CD2AP: variants seen among roughly 807,000 people sequenced by gnomAD.
CD2AP encodes CD2-associated protein.
Under a neutral mutation model 85.1 loss-of-function variants are expected in CD2AP, and 46 were observed. The ratio of observed to expected loss-of-function variants is 0.54; its 90% CI spans 0.43 to 0.69. The LOEUF is 0.69. Ranked by LOEUF, CD2AP falls within the 30% of genes least tolerant of loss-of-function variation. CD2AP has a pLI of 0.00. For synonymous variants in CD2AP, 255 were observed against 252.9 expected, an observed-to-expected ratio of 1.01 and a Z score of -0.08; for missense variants, 769 against 729.5, an observed-to-expected ratio of 1.05 and a Z score of -0.62.
intron 17 of CD2AP, among the ~76,000 whole-genome samples, chr6:47,622,701 G>T (rs894424461): frequency 2.0e-5 from 3 of 152,198 alleles, no homozygotes; most frequent in African/African-American, 7.2e-5. Flanking sequence ...GTGTTTCCCA[G>T]GTCCTGCAAG....
chr6:47,490,442 TAATTTCTAGTG>T (rs1388194287), intron 1 of CD2AP, among the ~76,000 whole-genome samples: 1 of 152,166 alleles, frequency 6.6e-6, no homozygotes, highest in African/African-American at 2.4e-5. Flanking sequence ...TGCTTAAAAA[TAATTTCTAGTG>T]TTTTCTTGAA....
chr6:47,572,138 C>G (rs1317007889), intron 5 of CD2AP, among the ~76,000 whole-genome samples: 1 of 152,164 alleles, frequency 6.6e-6, no homozygotes, highest in Non-Finnish European at 1.5e-5. Flanking sequence ...AAGGCAGAAT[C>G]CACCCTGACT....
chr6:47,479,049 C>A (rs1020116896), intron 1 of CD2AP, among the ~76,000 whole-genome samples: 5 of 152,200 alleles, frequency 3.3e-5, no homozygotes, highest in African/African-American at 9.6e-5. Context: ...GTAACAATTT[C>A]TTTTGATAAC....
intron 1 of CD2AP, among the ~76,000 whole-genome samples, chr6:47,496,414 A>C (rs1472945114): frequency 6.6e-6 from 1 of 152,142 alleles, no homozygotes; most frequent in East Asian, 1.9e-4. Flanking sequence ...TAATATTACA[A>C]ACTTAATTAT....
chr6:47,581,952 C>T (rs752426428), intron 10 of CD2AP, 51 bp from the exon 11 acceptor site: 2 of 1,162,604 alleles, frequency 1.7e-6, no homozygotes, highest in Admixed American at 3.4e-5. Context: ...GTAATTGTCT[C>T]TGTGCTTTAA....
intron 2 of CD2AP, among the ~76,000 whole-genome samples, chr6:47,514,532 T>C (rs947020318): frequency 6.6e-6 from 1 of 152,106 alleles, no homozygotes; most frequent in African/African-American, 2.4e-5. Flanking sequence ...TACTTTGTAA[T>C]TGAGATAAAA....
intron 13 of CD2AP, among the ~76,000 whole-genome samples, chr6:47,604,899 C>A (rs2171090): frequency 0.96 from 146,147 of 152,068 alleles, 70,473 homozygotes; most frequent in East Asian, 1. Context: ...AAAGAAATTG[C>A]TAGAAAAAAT....
intron 5 of CD2AP, chr6:47,562,795 C>A: frequency 1.7e-6 from 2 of 1,154,388 alleles, no homozygotes; most frequent in Non-Finnish European, 2.6e-6. Context: ...CTGTGATGAG[C>A]CTTTGTATGT....
rs1766746975 is a variant in CD2AP, at chr6:47,527,013, A to C, written c.166-6589A>C. 2.6e-5 allele frequency among the ~76,000 whole-genome samples: 4 copies of C among 152,304 alleles called. No individual in the cohort carries two copies. In the South Asian group the frequency reaches 8.3e-4, roughly 32 times the overall value. Reference sequence around the variant, plus strand: ...ATTTTCTTATGTGCATTACCAATAAAAACAGGGAAATATTTGTGTATCTTT... The same window carrying C: ...ATTTTCTTATGTGCATTACCAATAACAACAGGGAAATATTTGTGTATCTTT... On this transcript the variant is annotated intron_variant, in intron 2 of 17. Transcript: ENST00000359314.
At chr6:47,621,201 A>G (rs1186872807) in intron 17 of CD2AP, among the ~76,000 whole-genome samples, 1 of 152,170 alleles carries the variant, frequency 6.6e-6, no homozygotes, top group Non-Finnish European at 1.5e-5. Flanking sequence ...AGCTTTTATT[A>G]CATTGAGGTA....
intron 17 of CD2AP, among the ~76,000 whole-genome samples, chr6:47,620,682 G>A (rs1227116611): frequency 3.3e-5 from 5 of 152,266 alleles, no homozygotes; most frequent in Non-Finnish European, 4.4e-5. Context: ...ATCCACGAGC[G>A]TGGGATGTGT....
At chr6:47,511,494 G>A (rs1766312764) in intron 2 of CD2AP, among the ~76,000 whole-genome samples, 1 of 152,188 alleles carries the variant, frequency 6.6e-6, no homozygotes, top group Non-Finnish European at 1.5e-5. Context: ...TCCATATACA[G>A]TTAGTAGTTT....
At chr6:47,571,906 T>C (rs1768165834) in intron 5 of CD2AP, among the ~76,000 whole-genome samples, 1 of 152,096 alleles carries the variant, frequency 6.6e-6, no homozygotes, top group African/African-American at 2.4e-5. Context: ...CTTACCTGCT[T>C]GCCAGAAAAA....
rs768001955 is a variant in CD2AP at position 47,535,496 on chromosome 6, C to T, written c.319+1741C>T. Among the ~76,000 whole-genome samples the T allele has an allele frequency of 9.3e-4, 142 of 152,226 alleles. 1 individual carries two copies. Among genetic ancestry groups the T allele is most frequent in the Middle Eastern group, 3.4e-3 (1 of 294 alleles). On this transcript the variant is annotated intron_variant, in intron 3 of 17. Transcript: ENST00000359314. ...TGGGGAAACCTCTACTTTTGGATTA[C>T]ATCATCCTTTGATTATTTTCATAAA... is the stretch of plus-strand genomic sequence containing the variant.
chr6:47,495,738 G>T (rs1026581512), intron 1 of CD2AP, among the ~76,000 whole-genome samples: 6 of 152,194 alleles, frequency 3.9e-5, no homozygotes, highest in African/African-American at 1.4e-4. Flanking sequence ...TGGGAGTGAT[G>T]ACTTTAAAGC....
At chr6:47,489,034 C>T (rs1009722301) in intron 1 of CD2AP, 11 of 152,014 alleles carry the variant, frequency 7.2e-5, no homozygotes, top group African/African-American at 2.7e-4. Context: ...TTGTAGTTGT[C>T]TATATAACTT....
chr6:47,615,709 G>A (rs115891611), intron 17 of CD2AP, among the ~76,000 whole-genome samples: 235 of 151,974 alleles, frequency 1.5e-3, no homozygotes, highest in African/African-American at 5.5e-3. Context: ...GATTTGGTGG[G>A]GACACAGATG....
intron 17 of CD2AP, among the ~76,000 whole-genome samples, chr6:47,619,240 C>G (rs1334635764): frequency 1.3e-5 from 2 of 152,194 alleles, no homozygotes; most frequent in Non-Finnish European, 2.9e-5. Flanking sequence ...CTCTTCAACT[C>G]AAGTCCCCAA....
intron 1 of CD2AP, among the ~76,000 whole-genome samples, chr6:47,491,094 G>A (rs549182737): frequency 1.9e-3 from 292 of 152,146 alleles, no homozygotes; most frequent in African/African-American, 6.8e-3. Context: ...AATGTTATTA[G>A]TTAATGACAT....
Sources: gnomAD v4.1 joint callset for allele counts (sites outside exome capture counted in the v4.1 genomes callset) on GRCh38, gnomAD v4.1.1 for gene constraint, MANE v1.5 for transcripts, NCBI Gene and HGNC (gene_info 2026-07-23, HGNC 2026-07-21) for gene names.